TG: variants seen among roughly 807,000 people sequenced by gnomAD.
TG encodes the protein thyroid hormones.
In TG, 270 loss-of-function variants were observed where a neutral mutation model predicts 324.7. That is an observed-to-expected ratio of 0.83 (90% CI 0.75 to 0.92). The LOEUF (loss-of-function observed/expected upper bound fraction) is 0.92. Among genes scored for constraint, TG ranks in the 40% least tolerant of loss-of-function variants. The pLI, the probability that TG is intolerant of heterozygous loss-of-function variation, is 0.00. For synonymous variants in TG, 1,401 were observed against 1,327.0 expected, an observed-to-expected ratio of 1.06 and a Z score of -1.21; for missense variants, 3,591 against 3,456.4, an observed-to-expected ratio of 1.04 and a Z score of -0.98.
Position 132,919,358 on chromosome 8 carries a change from TTC to T in TG, c.4379-14_4379-13del, listed in dbSNP as rs1435315493. The stretch of plus-strand genomic sequence containing the variant: ...CATGTGTCTTGATTTTTAACATCAT[TTC>T]TCTGTTTTTTTCTAGTTAAGTGTCC... On this transcript the variant is annotated splice_polypyrimidine_tract_variant and intron_variant, in intron 20 of 47. Coordinates refer to ENST00000220616, the MANE Select transcript of TG (RefSeq NM_003235.5). The T allele has an allele frequency of 3.7e-6, 6 of 1,612,914 alleles. No individual in the cohort carries two copies. Among genetic ancestry groups the T allele is most frequent in the South Asian group, 1.1e-5 (1 of 90,890 alleles).
intron 41 of TG, among the ~76,000 whole-genome samples, chr8:133,065,516 C>T (rs902905555): frequency 1.3e-5 from 2 of 152,180 alleles, no homozygotes; most frequent in Non-Finnish European, 2.9e-5. Flanking sequence ...GATCCTAGCA[C>T]TTTGGGAAGC....
chr8:133,109,813 C>A (rs779315564), intron 43 of TG, among the ~76,000 whole-genome samples: 5 of 152,200 alleles, frequency 3.3e-5, no homozygotes, highest in Non-Finnish European at 7.4e-5. Flanking sequence ...ATCATTCTCA[C>A]CCCTTGGCAG....
chr8:133,101,476 G>A (rs1383064772), intron 43 of TG, among the ~76,000 whole-genome samples: 1 of 152,104 alleles, frequency 6.6e-6, no homozygotes, highest in South Asian at 2.1e-4. Flanking sequence ...GGTTCTGGAG[G>A]GCCTCAATCT....
At chr8:132,946,025 G>A (rs371083812) in intron 26 of TG, among the ~76,000 whole-genome samples, 15 of 131,392 alleles carry the variant, frequency 1.1e-4, no homozygotes, top group Middle Eastern at 3.6e-3. Flanking sequence ...TGTTTAGATA[G>A]GAAAAATATG....
chr8:132,987,145 A>G (rs1351802252), intron 35 of TG, among the ~76,000 whole-genome samples: 1 of 152,204 alleles, frequency 6.6e-6, no homozygotes, highest in African/African-American at 2.4e-5. Flanking sequence ...TCCAAGGTGG[A>G]ATGAGATGTC....
chr8:133,121,581 T>A (rs1420911088), intron 45 of TG, among the ~76,000 whole-genome samples: 1 of 152,234 alleles, frequency 6.6e-6, no homozygotes, highest in Non-Finnish European at 1.5e-5. Flanking sequence ...AAAGCAGAGA[T>A]GCTGGCATCT....
chr8:132,911,231 G>T, intron 18 of TG, 146 bp from the exon 19 acceptor site: 1 of 1,389,730 alleles, frequency 7.2e-7, no homozygotes, highest in Admixed American at 1.9e-5. Flanking sequence ...GTGGAAAAGG[G>T]GGTCACTATT....
chr8:132,954,982 G>A (rs1385712948), intron 27 of TG, among the ~76,000 whole-genome samples: 1 of 152,184 alleles, frequency 6.6e-6, no homozygotes, highest in Non-Finnish European at 1.5e-5. Context: ...GCCTCCTGAG[G>A]CAAGTGCCAC....
rs1214435686 is a variant in TG, at chr8:132,886,539, C to T, written c.1167C>T (p.Phe389=). 4 of 1,614,230 alleles carry T rather than the reference C, an allele frequency of 2.5e-6. No individual in the cohort carries two copies. The highest frequency in any genetic ancestry group is 3.4e-6 in the Non-Finnish European group (4 of 1,180,038). Residue 389 remains phenylalanine (F), a synonymous_variant, in exon 9 of 48, where the codon TTC becomes TTT. Transcript: ENST00000220616. The stretch of plus-strand genomic sequence containing the variant: ...GCTACTTCAGCCAGCACGACCTGTT[C>T]TCTTCCCCAGAGAAAAGATGGGCCT... ...TSGYFSQHDL[F]SSPEKRWASP...
In TG at chr8:132,933,566, A is replaced by G; in HGVS notation, c.4822A>G (p.Thr1608Ala). The change falls in exon 24 of 48, where the codon ACA (threonine) becomes GCA (alanine). Residue 1608 changes from threonine (T) to alanine (A), a missense_variant. Transcript: ENST00000220616. ...CCGTCCCATGGTGCTTGCAGATTGC[A>G]CAGAGGACGAGGCCTGCAGCTTCTT... ...FPVMQCLTDC[T>A]EDEACSFFTV... is the part of the protein sequence containing the mutation. 2 of 1,614,006 alleles carry G rather than the reference A, an allele frequency of 1.2e-6. No homozygotes were observed. The highest frequency in any genetic ancestry group is 1.7e-6 in the Non-Finnish European group (2 of 1,179,978).
chr8:132,893,634 T>C, intron 10 of TG, 56 bp from the exon 11 acceptor site: 1 of 1,611,556 alleles, frequency 6.2e-7, no homozygotes, highest in Non-Finnish European at 8.5e-7. Flanking sequence ...TTCATGGGAG[T>C]CAGAGGGAAG....
intron 30 of TG, 73 bp downstream of exon 30, chr8:132,966,770 T>A: frequency 6.2e-7 from 1 of 1,605,902 alleles, no homozygotes. Context: ...GTCTGGCAAC[T>A]CCTGAGACAC....
chr8:132,923,295 C>T, intron 21 of TG, 43 bp from the exon 22 acceptor site: 1 of 1,611,066 alleles, frequency 6.2e-7, no homozygotes. Flanking sequence ...CAGGGGATTC[C>T]AGAGGCCCAT....
chr8:132,929,036 C>T, intron 22 of TG, 40 bp from the exon 23 acceptor site: 1 of 1,550,264 alleles, frequency 6.5e-7, no homozygotes, highest in South Asian at 1.1e-5. Context: ...ATGCCCTACA[C>T]CCTTCTGAGT....
intron 15 of TG, among the ~76,000 whole-genome samples, chr8:132,900,933 T>A (rs1817829784): frequency 6.6e-6 from 1 of 152,226 alleles, no homozygotes; most frequent in Non-Finnish European, 1.5e-5. Context: ...GCGTTCTGGC[T>A]GTGCCACCTG....
At position 133,102,832 on chromosome 8, in the gene TG, C is replaced by T. The variant is rs16904834; in HGVS notation, c.7572+6459C>T. On this transcript the variant is annotated intron_variant, in intron 43 of 47. Coordinates refer to ENST00000220616, the MANE Select transcript of TG (RefSeq NM_003235.5). ...AAGGCGAGAAAAATCAGAAACAGAG[C>T]GCCTCCGCTGTGCCCCTAAGCTTGG... is the stretch of plus-strand genomic sequence containing the variant. The T allele has an allele frequency of 4.2e-3, 1,760 of 417,482 alleles. 23 individuals carry two copies. The highest frequency in any genetic ancestry group is 0.032 in the African/African-American group (1,593 of 49,210). The allele number at this position is 417,482 out of a possible 1,614,324, so 25.9% of individuals were successfully genotyped here.
At chr8:132,982,851 C>T (rs1268021634) in intron 34 of TG, among the ~76,000 whole-genome samples, 2 of 152,208 alleles carry the variant, frequency 1.3e-5, no homozygotes, top group Non-Finnish European at 2.9e-5. Flanking sequence ...TTGTTTCCCA[C>T]ACGTTTCGAC....
rs540430586 is a variant in TG, at chr8:132,909,177, G to T, written c.4002+837G>T. 3.9e-5 allele frequency among the ~76,000 whole-genome samples: 6 copies of T among 152,232 alleles called. No individual in the cohort carries two copies. In the South Asian group the frequency reaches 1.2e-3, roughly 32 times the overall value. On this transcript the variant is annotated intron_variant, in intron 18 of 47. Transcript: ENST00000220616. ...TCTCCAGCTGCTGTGTAGAGGGTAG[G>T]CTTTGAGGGGTTCAAGGTAGGAGCA...
chr8:132,934,484 G>C (rs1008197402), intron 24 of TG, among the ~76,000 whole-genome samples: 1 of 152,206 alleles, frequency 6.6e-6, no homozygotes, highest in African/African-American at 2.4e-5. Context: ...ATTAGACCCT[G>C]TCCTCCTCCA....
Sources: gnomAD v4.1 joint callset for allele counts (sites outside exome capture counted in the v4.1 genomes callset) on GRCh38, gnomAD v4.1.1 for gene constraint, MANE v1.5 for transcripts, NCBI Gene and HGNC (gene_info 2026-07-23, HGNC 2026-07-21) for gene names.